The following CACNA2D2 variants were observed in gnomAD, a reference collection of about 807,000 sequenced individuals.
CACNA2D2 encodes voltage-dependent calcium channel subunit alpha-2/delta-2.
In CACNA2D2, 48 loss-of-function variants were observed where a neutral mutation model predicts 166.4. That is an observed-to-expected ratio of 0.29 (90% CI 0.23 to 0.37). CACNA2D2 has a LOEUF of 0.37. Among genes scored for constraint, CACNA2D2 ranks in the 10% least tolerant of loss-of-function variants. The pLI, the probability that CACNA2D2 is intolerant of heterozygous loss-of-function variation, is 1.00. For missense variants in CACNA2D2, 1,122 were observed against 1,433.0 expected, an observed-to-expected ratio of 0.78 and a Z score of 3.50; for synonymous variants, 561 against 573.7, an observed-to-expected ratio of 0.98 and a Z score of 0.32.
intron 3 of CACNA2D2, among the ~76,000 whole-genome samples, chr3:50,412,829 C>A (rs1707083565): frequency 6.6e-6 from 1 of 152,208 alleles, no homozygotes; most frequent in South Asian, 2.1e-4. Flanking sequence ...GGAGTTTTAT[C>A]TGGAGGGGAG....
At chr3:50,493,245 G>A (rs1286265640) in intron 1 of CACNA2D2, among the ~76,000 whole-genome samples, 1 of 152,114 alleles carries the variant, frequency 6.6e-6, no homozygotes, top group Non-Finnish European at 1.5e-5. Context: ...CCCCATCCTC[G>A]GCTCAAGGGT....
intron 2 of CACNA2D2, among the ~76,000 whole-genome samples, chr3:50,468,828 TC>T (rs1709943755): frequency 1.6e-5 from 2 of 122,068 alleles, no homozygotes; most frequent in African/African-American, 3.8e-5. Flanking sequence ...CCCTTCTCTC[TC>T]TTTTTTTTTT....
chr3:50,426,768 G>A (rs1286499546), intron 3 of CACNA2D2, among the ~76,000 whole-genome samples: 2 of 152,118 alleles, frequency 1.3e-5, no homozygotes, highest in Non-Finnish European at 2.9e-5. Flanking sequence ...GGCCAGAGAA[G>A]CTTAGCCCCA....
chr3:50,411,357 G>A (rs1029994393), intron 3 of CACNA2D2, among the ~76,000 whole-genome samples: 2 of 152,132 alleles, frequency 1.3e-5, no homozygotes, highest in African/African-American at 4.8e-5. Context: ...CCATGTCCGT[G>A]GTCTGCACTT....
intron 2 of CACNA2D2, among the ~76,000 whole-genome samples, chr3:50,458,982 T>G (rs1006830505): frequency 7.2e-5 from 11 of 152,232 alleles, no homozygotes; most frequent in Non-Finnish European, 1.2e-4. Flanking sequence ...GGGGCATGTG[T>G]TAGTGTATGT....
At chr3:50,411,235 C>G (rs62260813) in intron 3 of CACNA2D2, among the ~76,000 whole-genome samples, 5,858 of 152,304 alleles carry the variant, frequency 0.038, 165 homozygotes, top group Non-Finnish European at 0.06. Context: ...CACCTCCCTC[C>G]CAGCCCTCAC....
rs1705261886 is a variant in CACNA2D2, at chr3:50,380,777, G to A, written c.813C>T (p.Ile271=). The change falls in exon 8 of 38, where the codon ATC becomes ATT. Residue 271 remains isoleucine, a synonymous_variant. Transcript: ENST00000424201. The surrounding 1 kb of genome is among the most constrained non-coding windows in gnomAD (Gnocchi z 4.9). ...PATPWRAPKK[I]DLYDVRRRPW... is the part of the protein sequence containing the mutation. ...GTCTCCTTCGGACATCGTACAGGTC[G>A]ATCTTCTTGGGGGCTCGCCACGGGG... 5.8e-6 allele frequency: 9 copies of A among 1,549,616 alleles called. No individual in the cohort carries two copies. The highest frequency in any genetic ancestry group is 3.7e-5 in the South Asian group (3 of 81,178).
intron 3 of CACNA2D2, among the ~76,000 whole-genome samples, chr3:50,421,091 C>A (rs913682087): frequency 6.6e-6 from 1 of 152,194 alleles, no homozygotes; most frequent in Non-Finnish European, 1.5e-5. Flanking sequence ...TGAGCTGGGG[C>A]ATGTGTTGAG....
chr3:50,390,358 T>C (rs1009859922), intron 4 of CACNA2D2, among the ~76,000 whole-genome samples: 1 of 152,138 alleles, frequency 6.6e-6, no homozygotes, highest in African/African-American at 2.4e-5. Context: ...GGGTCTCTAC[T>C]TCCCCACTCG....
intron 3 of CACNA2D2, among the ~76,000 whole-genome samples, chr3:50,411,966 A>C (rs1707040765): frequency 6.6e-6 from 1 of 152,048 alleles, no homozygotes; most frequent in African/African-American, 2.4e-5. Flanking sequence ...AAATCCCCCC[A>C]CAACCCCCAA....
chr3:50,448,427 G>A (rs1016586879), intron 2 of CACNA2D2, among the ~76,000 whole-genome samples: 2 of 152,184 alleles, frequency 1.3e-5, no homozygotes, highest in Non-Finnish European at 2.9e-5. Context: ...GTACATGTAT[G>A]TAGGAATGTT....
intron 5 of CACNA2D2, among the ~76,000 whole-genome samples, chr3:50,384,914 G>T (rs1253335558): frequency 6.6e-6 from 1 of 152,242 alleles, no homozygotes; most frequent in Non-Finnish European, 1.5e-5. Context: ...ACCTGGGAGA[G>T]CTGGGCTGGG....
At position 50,367,190 on chromosome 3, in the gene CACNA2D2, G is replaced by T. The variant is rs2109407936; in HGVS notation, c.2402-81C>A. 8.7e-7 allele frequency: 1 copy of T among 1,155,378 alleles called. No individual in the cohort carries two copies. Among genetic ancestry groups the T allele is most frequent in the Non-Finnish European group, 1.3e-6 (1 of 783,894 alleles). 71.6% of individuals were successfully genotyped at this position (1,155,378 alleles called of 1,614,324 possible). On this transcript the variant is annotated intron_variant, in intron 27 of 37. Coordinates refer to ENST00000424201, the MANE Select transcript of CACNA2D2 (RefSeq NM_006030.4). The surrounding 1 kb of genome is among the most constrained non-coding windows in gnomAD (Gnocchi z 6.5). Reference sequence around the variant, plus strand: ...TATGCTGGGTCCTACAAACCCAGCAGTCCAATCCCGGGATGACTCCAGCCC... The same window carrying T: ...TATGCTGGGTCCTACAAACCCAGCATTCCAATCCCGGGATGACTCCAGCCC...
At chr3:50,374,368 G>A (rs1249950671) in intron 22 of CACNA2D2, among the ~76,000 whole-genome samples, 3 of 111,306 alleles carry the variant, frequency 2.7e-5, no homozygotes, top group Admixed American at 1.7e-4. Flanking sequence ...GAGGGGAGGG[G>A]AAGGGGAGTG....
intron 3 of CACNA2D2, among the ~76,000 whole-genome samples, chr3:50,417,937 G>A (rs1349938950): frequency 1.3e-5 from 2 of 152,176 alleles, no homozygotes; most frequent in Admixed American, 1.3e-4. Flanking sequence ...GGTGGAGCCT[G>A]GCAGGATGGG....
intron 1 of CACNA2D2, 107 bp from the exon 2 acceptor site, chr3:50,476,306 A>C: frequency 1.3e-6 from 1 of 794,028 alleles, no homozygotes; most frequent in East Asian, 2.7e-5. Flanking sequence ...CTCACACCCC[A>C]ATTTTCACTA....
chr3:50,367,918 AG>A lies in CACNA2D2; in HGVS notation c.2144-17del. On this transcript the variant is annotated splice_polypyrimidine_tract_variant and intron_variant, in intron 24 of 37. Coordinates refer to ENST00000424201, the MANE Select transcript of CACNA2D2 (RefSeq NM_006030.4). The surrounding 1 kb of genome is among the most constrained non-coding windows in gnomAD (Gnocchi z 6.5). ...AAGTTGTTGCCTGGAACAGGAGGGG[AG>A]GGGTGGGGGTGGGGGCATCTTCTTG... The A allele has an allele frequency of 1.4e-5, 2 of 144,008 alleles. No individual in the cohort carries two copies. The highest frequency in any genetic ancestry group is 2.9e-5 in the Non-Finnish European group (2 of 68,102). 8.9% of individuals were successfully genotyped at this position (144,008 alleles called of 1,614,324 possible).
chr3:50,389,974 G>A (rs192747135), intron 4 of CACNA2D2, among the ~76,000 whole-genome samples: 1 of 151,896 alleles, frequency 6.6e-6, no homozygotes, highest in Admixed American at 6.5e-5. Context: ...GCATGATGTG[G>A]TGTGGAGCTG....
chr3:50,429,592 C>CAAAA lies in CACNA2D2; in HGVS notation c.405+4717_405+4720dup, dbSNP rs1160685582. On this transcript the variant is annotated intron_variant, in intron 3 of 37. Coordinates refer to ENST00000424201, the MANE Select transcript of CACNA2D2 (RefSeq NM_006030.4). ...TGAAACCCCATCTCTACTAAAAATA[C>CAAAA]AAAAAAAAAAAAAAAAAAAAAAAAA... 1.4e-3 allele frequency among the ~76,000 whole-genome samples: 73 copies of CAAAA among 52,642 alleles called. 2 individuals are homozygous for CAAAA. Among genetic ancestry groups the CAAAA allele is most frequent in the African/African-American group, 3.7e-3 (62 of 16,980 alleles). The allele number at this position is 52,642 out of a possible 152,430, so 34.5% of individuals were successfully genotyped here.
Sources: gnomAD v4.1 joint callset for allele counts (sites outside exome capture counted in the v4.1 genomes callset) on GRCh38, gnomAD v4.1.1 for gene constraint, Gnocchi (gnomAD v3.1) non-coding constraint, MANE v1.5 for transcripts, NCBI Gene and HGNC (gene_info 2026-07-23, HGNC 2026-07-21) for gene names.